The following CDH13 variants were observed in gnomAD, a reference collection of about 807,000 sequenced individuals.
The protein encoded by CDH13 is cadherin-13.
CDH13 carries 24 observed loss-of-function variants against 63.8 expected under a neutral mutation model. The ratio of observed to expected loss-of-function variants is 0.38; its 90% confidence interval spans 0.27 to 0.53. The LOEUF (loss-of-function observed/expected upper bound fraction) is 0.53, where lower values mean the gene tolerates loss of function less well. CDH13 is among the 20% of genes least tolerant of loss of function. CDH13 has a pLI of 0.85. For synonymous variants in CDH13, 503 were observed against 355.3 expected (o/e 1.42, Z -4.67); for missense variants, 1,049 against 903.1 (o/e 1.16, Z -2.07).
chr16:83,488,612 T>G lies in CDH13; in HGVS notation c.960+1957T>G, dbSNP rs74905774. Among the ~76,000 whole-genome samples the G allele has an allele frequency of 4.1e-3, 618 of 152,156 alleles. 29 individuals carry two copies. The East Asian group carries it at 0.088, about 22-fold the overall frequency. On this transcript the variant is annotated intron_variant, in intron 7 of 13. Coordinates refer to ENST00000567109, the MANE Select transcript of CDH13 (RefSeq NM_001257.5). ...TCTCTTTCCAACCCTCCCTATTTTTTTATTTTTTTATTTTTTTTATTTTAT... is the reference window on the plus strand; with the variant it reads ...TCTCTTTCCAACCCTCCCTATTTTTGTATTTTTTTATTTTTTTTATTTTAT...
chr16:82,750,267 A>G (rs2034355439), intron 1 of CDH13, among the ~76,000 whole-genome samples: 1 of 152,182 alleles, frequency 6.6e-6, no homozygotes, highest in Non-Finnish European at 1.5e-5. Context: ...TAAACAAGCC[A>G]CATCCTGACT....
At chr16:83,723,571 ACCTTCGCTAAAGAAGCCCT>A (rs1391103227) in intron 10 of CDH13, among the ~76,000 whole-genome samples, 1 of 152,012 alleles carries the variant, frequency 6.6e-6, no homozygotes, top group Non-Finnish European at 1.5e-5. Flanking sequence ...TTCCCTGATC[ACCTTCGCTAAAGAAGCCCT>A]CCTCAACTCT....
At chr16:83,682,137 A>G (rs949472141) in intron 10 of CDH13, among the ~76,000 whole-genome samples, 3 of 152,278 alleles carry the variant, frequency 2.0e-5, no homozygotes, top group Non-Finnish European at 2.9e-5. Flanking sequence ...GAAGTGCAGC[A>G]TAGAGTAATC....
intron 4 of CDH13, among the ~76,000 whole-genome samples, chr16:83,128,465 T>C (rs1336830389): frequency 2.0e-5 from 3 of 152,210 alleles, no homozygotes; most frequent in Non-Finnish European, 4.4e-5. Context: ...TGACCTGAAA[T>C]GCACTTTCTC....
At chr16:83,015,661 G>GTA in intron 2 of CDH13, among the ~76,000 whole-genome samples, 1 of 84,216 alleles carries the variant, frequency 1.2e-5, no homozygotes, top group Non-Finnish European at 2.4e-5. Flanking sequence ...GCATATATGT[G>GTA]TGTGTGTGTG....
At position 83,592,633 on chromosome 16, in the gene CDH13, C is replaced by A. The variant is rs575308264; in HGVS notation, c.961-9821C>A. ...CTCAACCGCAAATCTATCATTTAGG[C>A]TATTCCAGCCACATATGTCTAAGAG... On this transcript the variant is annotated intron_variant, in intron 7 of 13. Transcript: ENST00000567109. Among the ~76,000 whole-genome samples the A allele has an allele frequency of 2.6e-4, 39 of 152,308 alleles. 1 individual carries two copies. The South Asian group carries it at 5.2e-3, about 20-fold the overall frequency.
chr16:82,924,064 A>T (rs1425483400), intron 2 of CDH13, among the ~76,000 whole-genome samples: 2 of 152,218 alleles, frequency 1.3e-5, no homozygotes, highest in African/African-American at 2.4e-5. Context: ...TTTTATATTC[A>T]ATCAAAGTTG....
intron 4 of CDH13, among the ~76,000 whole-genome samples, chr16:83,128,514 A>G (rs560427048): frequency 8.5e-5 from 13 of 152,328 alleles, no homozygotes; most frequent in East Asian, 5.8e-4. Context: ...TTCAGTTGCA[A>G]TTCCATTAAT....
At chr16:82,894,508 G>T (rs1364277356) in intron 2 of CDH13, among the ~76,000 whole-genome samples, 1 of 152,134 alleles carries the variant, frequency 6.6e-6, no homozygotes, top group African/African-American at 2.4e-5. Flanking sequence ...CAGGCATGGT[G>T]GCGTGCACCT....
intron 2 of CDH13, among the ~76,000 whole-genome samples, chr16:82,870,279 C>T (rs144163618): frequency 6.6e-6 from 1 of 152,220 alleles, no homozygotes; most frequent in Admixed American, 6.5e-5. Context: ...TCTCTCCCTG[C>T]AGTTAAAATG....
intron 7 of CDH13, among the ~76,000 whole-genome samples, chr16:83,570,280 A>C (rs889463034): frequency 3.3e-5 from 5 of 152,182 alleles, no homozygotes; most frequent in Non-Finnish European, 7.3e-5. Flanking sequence ...CACCTTGAGG[A>C]CTAGCAAAAG....
chr16:82,931,528 G>A (rs1331713361), intron 2 of CDH13, among the ~76,000 whole-genome samples: 1 of 111,978 alleles, frequency 8.9e-6, no homozygotes, highest in Non-Finnish European at 1.8e-5. Flanking sequence ...TTTTTTTTTT[G>A]ATGTTTGTTA....
chr16:82,814,869 G>A (rs1344491473), intron 1 of CDH13, among the ~76,000 whole-genome samples: 1 of 152,018 alleles, frequency 6.6e-6, no homozygotes, highest in African/African-American at 2.4e-5. Flanking sequence ...TTTATCTCCA[G>A]GTAGATATTA....
intron 6 of CDH13, among the ~76,000 whole-genome samples, chr16:83,468,073 C>G (rs1022083622): frequency 6.6e-6 from 1 of 152,180 alleles, no homozygotes; most frequent in African/African-American, 2.4e-5. Flanking sequence ...GCTTCCATGC[C>G]CTTTTGGCAC....
chr16:83,395,795 T>C (rs2091876574), intron 6 of CDH13, among the ~76,000 whole-genome samples: 1 of 152,104 alleles, frequency 6.6e-6, no homozygotes, highest in Non-Finnish European at 1.5e-5. Flanking sequence ...CTTTCCGTTC[T>C]TTTTTTTAAC....
At chr16:83,157,949 G>A (rs866573868) in intron 4 of CDH13, among the ~76,000 whole-genome samples, 1 of 151,714 alleles carries the variant, frequency 6.6e-6, no homozygotes, top group Non-Finnish European at 1.5e-5. Flanking sequence ...AGAAAGAAAT[G>A]TGTCCTCAAA....
rs1904304363 is a variant in CDH13, at chr16:83,799,527, C to T, written c.*4497C>T. 6.6e-6 allele frequency: 1 copy of T among 152,084 alleles called. No homozygotes were observed. Among genetic ancestry groups the T allele is most frequent in the African/African-American group, 2.4e-5 (1 of 41,422 alleles). The allele number at this position is 152,084 out of a possible 1,614,324, so 9.4% of individuals were successfully genotyped here. On this transcript the variant is annotated 3_prime_UTR_variant, in exon 14 of 14. Transcript: ENST00000567109. Reference sequence around the variant, plus strand: ...AGCCCATAAATCTGTTTACGTGTAGCTGCCTTAAACATGAGTCAACAGGGT... The same window carrying T: ...AGCCCATAAATCTGTTTACGTGTAGTTGCCTTAAACATGAGTCAACAGGGT...
Position 83,032,102 on chromosome 16 carries a change from C to T in CDH13, c.250C>T (p.Leu84=). Reference sequence around the variant, plus strand: ...GAACAGCGATGGCGGCTTAGTTGCTCTGAGAAACATAACTGCAGTGGGCAA... The same window carrying T: ...GAACAGCGATGGCGGCTTAGTTGCTTTGAGAAACATAACTGCAGTGGGCAA... ...KVNSDGGLVA[L]RNITAVGKTL... is the part of the protein sequence containing the mutation. Residue 84 remains leucine (L), a synonymous_variant, in exon 3 of 14, where the codon CTG becomes TTG. Coordinates refer to ENST00000567109, the MANE Select transcript of CDH13 (RefSeq NM_001257.5). 3.7e-6 allele frequency: 6 copies of T among 1,613,264 alleles called. No homozygotes were observed. Among genetic ancestry groups the T allele is most frequent in the South Asian group, 1.1e-5 (1 of 90,864 alleles).
At chr16:83,314,277 ACAAAAATGTGATTTTTTTTT>A (rs1395416872) in intron 5 of CDH13, among the ~76,000 whole-genome samples, 1 of 146,468 alleles carries the variant, frequency 6.8e-6, no homozygotes, top group Non-Finnish European at 1.5e-5. Context: ...GTGATGATTC[ACAAAAATGTGATTTTTTTTT>A]CTTTCAAATG....
Sources: allele counts gnomAD v4.1 joint callset (sites outside exome capture counted in the v4.1 genomes callset), GRCh38; gene constraint gnomAD v4.1.1; transcripts MANE v1.5; gene names NCBI Gene and HGNC (gene_info 2026-07-23, HGNC 2026-07-21).